The following TMEM120B variants were observed in gnomAD, a reference collection of about 807,000 sequenced individuals.
The protein encoded by TMEM120B is transmembrane protein 120B.
Under a neutral mutation model 55.5 loss-of-function variants are expected in TMEM120B, and 31 were observed. That is an observed-to-expected ratio of 0.56 (90% CI 0.42 to 0.75). The LOEUF is 0.75. Among genes scored for constraint, TMEM120B ranks in the 30% least tolerant of loss-of-function variants. The pLI is 0.00. For missense variants in TMEM120B, 399 were observed against 425.5 expected, an observed-to-expected ratio of 0.94 and a Z score of 0.55; for synonymous variants, 203 against 176.3, an observed-to-expected ratio of 1.15 and a Z score of -1.20.
intron 6 of TMEM120B, among the ~76,000 whole-genome samples, chr12:121,767,380 T>C (rs2137340239): frequency 6.6e-6 from 1 of 152,302 alleles, no homozygotes; most frequent in African/African-American, 2.4e-5. Flanking sequence ...CAGGATGGTC[T>C]CGATCTCCTG....
chr12:121,765,824 A>G (rs1873828784), intron 6 of TMEM120B, among the ~76,000 whole-genome samples: 1 of 152,084 alleles, frequency 6.6e-6, no homozygotes, highest in Non-Finnish European at 1.5e-5. Context: ...GGGGCAGGCA[A>G]GGGAGATGCC....
intron 1 of TMEM120B, among the ~76,000 whole-genome samples, chr12:121,735,959 G>A (rs1358448688): frequency 6.6e-6 from 1 of 151,958 alleles, no homozygotes; most frequent in Non-Finnish European, 1.5e-5. Context: ...CAAAGTGTTG[G>A]GATTACAGTG....
intron 1 of TMEM120B, among the ~76,000 whole-genome samples, chr12:121,717,428 G>A (rs1333317207): frequency 6.6e-6 from 1 of 152,168 alleles, no homozygotes; most frequent in Non-Finnish European, 1.5e-5. Flanking sequence ...GAAGCAAGAA[G>A]ATCAGCATTA....
chr12:121,719,119 G>A (rs1360318587), intron 1 of TMEM120B, among the ~76,000 whole-genome samples: 1 of 152,146 alleles, frequency 6.6e-6, no homozygotes, highest in African/African-American at 2.4e-5. Context: ...CTGTGGCACT[G>A]ATTGGCCAGG....
In TMEM120B at chr12:121,770,962, A is replaced by C; in HGVS notation, c.607A>C (p.Met203Leu). Residue 203 changes from methionine to leucine, a missense_variant, in exon 7 of 12, where the codon ATG becomes CTG. Met to Leu is a conservative substitution (Grantham distance 15). Coordinates refer to ENST00000449592, the MANE Select transcript of TMEM120B (RefSeq NM_001080825.2). ...HYVSTFLSGV[M>L]LTWPNGPIYQ... ...CGTCTCCACATTCCTGTCCGGAGTG[A>C]TGCTGACCTGGTGAGTAGCCCCTCG... 6.2e-7 allele frequency: 1 copy of C among 1,613,972 alleles called. No individual in the cohort carries two copies.
In TMEM120B at chr12:121,731,564, G is replaced by A. The variant is rs148670851; in HGVS notation, c.70-12065G>A. 2.8e-3 allele frequency among the ~76,000 whole-genome samples: 423 copies of A among 152,298 alleles called. 1 individual carries two copies. The highest frequency in any genetic ancestry group is 9.6e-3 in the African/African-American group (397 of 41,560). On this transcript the variant is annotated intron_variant, in intron 1 of 11. Transcript: ENST00000449592. Reference sequence around the variant, plus strand: ...TACCACTGTGTTACAGTCTGCTACAGTATTGAGTACAGTAGCATGCTGTGT... The same window carrying A: ...TACCACTGTGTTACAGTCTGCTACAATATTGAGTACAGTAGCATGCTGTGT...
rs535506053 is a variant in TMEM120B, at chr12:121,761,580, G to A, written c.462-69G>A. 124 of 1,202,114 alleles carry A rather than the reference G, an allele frequency of 1.0e-4. 3 individuals carry two copies. The South Asian group carries it at 1.5e-3, about 15-fold the overall frequency. 74.5% of individuals were successfully genotyped at this position (1,202,114 alleles called of 1,614,324 possible). On this transcript the variant is annotated intron_variant, in intron 5 of 11. Coordinates refer to ENST00000449592, the MANE Select transcript of TMEM120B (RefSeq NM_001080825.2). ...CTCAGCCTGGTTTGCTGCTCTGTGA[G>A]GTGAGGGTGGGATGGCTGTGCCTGG...
At chr12:121,734,518 A>C (rs34933970) in intron 1 of TMEM120B, among the ~76,000 whole-genome samples, 58,658 of 150,716 alleles carry the variant, frequency 0.39, 13,719 homozygotes, top group Middle Eastern at 0.59. Context: ...TTGGCATCCG[A>C]AAGTGCTGGG....
chr12:121,754,449 C>T (rs556578907), intron 5 of TMEM120B, among the ~76,000 whole-genome samples: 2 of 152,302 alleles, frequency 1.3e-5, no homozygotes, highest in South Asian at 4.1e-4. Flanking sequence ...GGGCTTAAAA[C>T]GACAGACACA....
rs1566526127 is a variant in TMEM120B at position 121,771,485 on chromosome 12, C to T, written c.618-3C>T. 6.2e-7 allele frequency: 1 copy of T among 1,613,884 alleles called. No individual in the cohort carries two copies. Among genetic ancestry groups the T allele is most frequent in the Middle Eastern group, 1.6e-4 (1 of 6,062 alleles). On this transcript the variant is annotated splice_region_variant and splice_polypyrimidine_tract_variant and intron_variant, in intron 7 of 11. Coordinates refer to ENST00000449592, the MANE Select transcript of TMEM120B (RefSeq NM_001080825.2). Reference sequence around the variant, plus strand: ...CCTTTGTTTTTTCCTACCTTCTCTCCAGGCCTAATGGACCCATTTATCAGA... The same window carrying T: ...CCTTTGTTTTTTCCTACCTTCTCTCTAGGCCTAATGGACCCATTTATCAGA...
In TMEM120B at chr12:121,780,472, C is replaced by T. The variant is rs760006805; in HGVS notation, c.*4750C>T. ...CAAAGAGTTGCACGGTCAATTGGCC[C>T]GTGAAGGGGACGCCTACTTTCAAAC... On this transcript the variant is annotated 3_prime_UTR_variant, in exon 12 of 12. Coordinates refer to ENST00000449592, the MANE Select transcript of TMEM120B (RefSeq NM_001080825.2). 16 of 331,336 alleles carry T rather than the reference C, an allele frequency of 4.8e-5. No homozygotes were observed. Among genetic ancestry groups the T allele is most frequent in the South Asian group, 9.4e-5 (1 of 10,600 alleles). 20.5% of individuals were successfully genotyped at this position (331,336 alleles called of 1,614,324 possible).
At chr12:121,770,171 A>AG (rs1873991598) in intron 6 of TMEM120B, among the ~76,000 whole-genome samples, 2 of 152,204 alleles carry the variant, frequency 1.3e-5, no homozygotes, top group South Asian at 4.2e-4. Flanking sequence ...TGGTGCTGGA[A>AG]GTCTAGAATG....
At chr12:121,772,125 T>TCTCTC (rs1874083151) in intron 8 of TMEM120B, among the ~76,000 whole-genome samples, 1 of 117,372 alleles carries the variant, frequency 8.5e-6, no homozygotes, top group African/African-American at 4.4e-5. Context: ...CTCTCTCTCT[T>TCTCTC]TCTCTCTTTC....
intron 1 of TMEM120B, among the ~76,000 whole-genome samples, chr12:121,738,448 G>A (rs959682449): frequency 2.0e-5 from 3 of 152,262 alleles, no homozygotes; most frequent in East Asian, 1.9e-4. Context: ...CCACCAGGAG[G>A]GGTGCGGGCC....
chr12:121,713,837 C>T (rs1894645679), intron 1 of TMEM120B, among the ~76,000 whole-genome samples: 1 of 152,182 alleles, frequency 6.6e-6, no homozygotes, highest in Non-Finnish European at 1.5e-5. Flanking sequence ...GTTCCCTCTC[C>T]AGTCACGGGA....
intron 2 of TMEM120B, among the ~76,000 whole-genome samples, chr12:121,746,718 GC>G (rs1873095641): frequency 6.6e-6 from 1 of 152,108 alleles, no homozygotes; most frequent in Non-Finnish European, 1.5e-5. Context: ...ACTTTGGGAG[GC>G]CGAGGCAGGC....
At chr12:121,717,219 C>T (rs1894718096) in intron 1 of TMEM120B, among the ~76,000 whole-genome samples, 2 of 152,156 alleles carry the variant, frequency 1.3e-5, no homozygotes, top group Admixed American at 1.3e-4. Context: ...TGAGCATTTC[C>T]TGCCTTGCAT....
chr12:121,723,528 G>A (rs1417209174), intron 1 of TMEM120B, among the ~76,000 whole-genome samples: 4 of 152,160 alleles, frequency 2.6e-5, no homozygotes, highest in African/African-American at 9.7e-5. Flanking sequence ...AGTGGATGAA[G>A]GGGGCAGCAG....
At chr12:121,770,799 CGTCTCTGA>C in intron 6 of TMEM120B, 100 bp from the exon 7 acceptor site, 1 of 989,260 alleles carries the variant, frequency 1.0e-6, no homozygotes, top group Middle Eastern at 2.0e-4. Context: ...TCCAAGAAGC[CGTCTCTGA>C]GTGCAGAGTA....
Sources: allele counts gnomAD v4.1 joint callset (sites outside exome capture counted in the v4.1 genomes callset), GRCh38; gene constraint gnomAD v4.1.1; transcripts MANE v1.5; gene names NCBI Gene and HGNC (gene_info 2026-07-23, HGNC 2026-07-21).